The following PDE4D variants were observed in gnomAD, a reference collection of about 807,000 sequenced individuals.
PDE4D encodes 3',5'-cyclic-AMP phosphodiesterase 4D.
A neutral mutation model predicts 87.4 loss-of-function variants in PDE4D; 24 were observed. The ratio of observed to expected loss-of-function variants is 0.27; its 90% CI spans 0.20 to 0.39. The LOEUF (loss-of-function observed/expected upper bound fraction) is 0.39, where lower values mean the gene tolerates loss of function less well. Ranked by LOEUF, PDE4D falls within the 10% of genes least tolerant of loss-of-function variation. The pLI is 1.00. For synonymous variants in PDE4D, 384 were observed against 383.2 expected (o/e 1.00, Z -0.02); for missense variants, 714 against 1,041.0 (o/e 0.69, Z 4.32).
Position 60,069,477 on chromosome 5 carries a change from C to T in PDE4D, c.43-80760G>A, listed in dbSNP as rs1772478180. Among the ~76,000 whole-genome samples the T allele has an allele frequency of 5.9e-5, 9 of 151,998 alleles. No individual in the cohort carries two copies. In the South Asian group the frequency reaches 1.5e-3, roughly 25 times the overall value. ...TTTATGGTATTTTATTATAGTAGCCCGAATAGAATAAAACAACCAAGTATG... is the reference window on the plus strand; with the variant it reads ...TTTATGGTATTTTATTATAGTAGCCTGAATAGAATAAAACAACCAAGTATG... On this transcript the variant is annotated intron_variant, in intron 2 of 16. Coordinates refer to the PDE4D transcript ENST00000502484.
intron 1 of PDE4D, among the ~76,000 whole-genome samples, chr5:59,544,227 A>G (rs1816877813): frequency 1.3e-5 from 2 of 152,208 alleles, no homozygotes; most frequent in South Asian, 4.1e-4. Context: ...TCATTGAAGA[A>G]GGAACTCAGG....
intron 1 of PDE4D, among the ~76,000 whole-genome samples, chr5:60,345,553 G>A (rs1273562046): frequency 1.4e-5 from 2 of 143,990 alleles, no homozygotes; most frequent in African/African-American, 5.4e-5. Context: ...AAATAAAAGA[G>A]CTCTTCCCTC....
intron 1 of PDE4D, among the ~76,000 whole-genome samples, chr5:59,707,760 T>A (rs754804678): frequency 6.6e-6 from 1 of 151,994 alleles, no homozygotes; most frequent in Admixed American, 6.6e-5. Flanking sequence ...GTGAGAACAT[T>A]CATCCACGTC....
intron 1 of PDE4D, among the ~76,000 whole-genome samples, chr5:60,323,694 C>T (rs536217462): frequency 2.6e-5 from 4 of 151,934 alleles, no homozygotes; most frequent in Admixed American, 2.0e-4. Context: ...CTTACTACCA[C>T]CCCAAAGCCT....
exon 2 of PDE4D, chr5:60,185,602 G>A (rs895315471): frequency 2.0e-6 from 3 of 1,526,596 alleles, no homozygotes; most frequent in Non-Finnish European, 2.6e-6. Context: ...TTTTCATCGT[G>A]GTGTTTTAAG....
chr5:59,328,990 C>T (rs992073363), intron 1 of PDE4D, among the ~76,000 whole-genome samples: 6 of 152,212 alleles, frequency 3.9e-5, no homozygotes, highest in East Asian at 1.9e-4. Context: ...TTGTGGTGGG[C>T]ACGGTGCCTT....
chr5:59,722,743 T>C (rs1336738285), intron 1 of PDE4D, among the ~76,000 whole-genome samples: 1 of 152,170 alleles, frequency 6.6e-6, no homozygotes, highest in Non-Finnish European at 1.5e-5. Flanking sequence ...AACAATGTTA[T>C]ATGTTGAACA....
intron 5 of PDE4D, among the ~76,000 whole-genome samples, chr5:59,124,336 G>T (rs973397571): frequency 1.3e-5 from 2 of 152,178 alleles, no homozygotes; most frequent in African/African-American, 4.8e-5. Context: ...CCAGGAGCTA[G>T]TCCTAAACTG....
At chr5:60,125,857 T>C (rs1779082053) in intron 2 of PDE4D, among the ~76,000 whole-genome samples, 1 of 152,182 alleles carries the variant, frequency 6.6e-6, no homozygotes, top group Non-Finnish European at 1.5e-5. Context: ...AAACAGAATT[T>C]CATTTACGGA....
At chr5:60,451,822 A>G (rs1234705366) in intron 1 of PDE4D, among the ~76,000 whole-genome samples, 1 of 152,138 alleles carries the variant, frequency 6.6e-6, no homozygotes, top group Non-Finnish European at 1.5e-5. Context: ...AATGTCTTAC[A>G]GCACAACTGA....
At position 58,991,361 on chromosome 5, in the gene PDE4D, C is replaced by T. The variant is rs528652037; in HGVS notation, c.1189-459G>A. On this transcript the variant is annotated intron_variant, in intron 8 of 14. Coordinates refer to ENST00000340635, the MANE Select transcript of PDE4D (RefSeq NM_001104631.2). Reference sequence around the variant, plus strand: ...TGTTAGATTGTTTTAAACAATGATTCATTTTAAATGTTAACAGACACACCA... The same window carrying T: ...TGTTAGATTGTTTTAAACAATGATTTATTTTAAATGTTAACAGACACACCA... 3.3e-5 allele frequency among the ~76,000 whole-genome samples: 5 copies of T among 152,284 alleles called. No homozygotes were observed. The East Asian group carries it at 9.6e-4, about 29-fold the overall frequency.
In PDE4D at chr5:60,267,615, C is replaced by T. The variant is rs547427680; in HGVS notation, c.-89-81928G>A. On this transcript the variant is annotated intron_variant, in intron 1 of 16. Transcript: ENST00000502484. ...ATTCAATATTACATCTATGAAAGCA[C>T]CTTGGCCAGTGCTGGTACTTGGAGG... Among the ~76,000 whole-genome samples, 5 of 152,264 alleles carry T rather than the reference C, an allele frequency of 3.3e-5. No homozygotes were observed. In the East Asian group the frequency reaches 5.8e-4, roughly 18 times the overall value.
At chr5:59,263,741 T>G (rs1448993481) in intron 1 of PDE4D, among the ~76,000 whole-genome samples, 1 of 151,954 alleles carries the variant, frequency 6.6e-6, no homozygotes, top group African/African-American at 2.4e-5. Flanking sequence ...ACATGCTATA[T>G]TATTCCTTTT....
At chr5:60,071,360 T>C (rs1326467119) in intron 2 of PDE4D, among the ~76,000 whole-genome samples, 1 of 152,046 alleles carries the variant, frequency 6.6e-6, no homozygotes, top group Non-Finnish European at 1.5e-5. Context: ...CACACAGCCA[T>C]CTAAAAGAAT....
intron 5 of PDE4D, among the ~76,000 whole-genome samples, chr5:59,068,903 A>C (rs1561426466): frequency 6.6e-6 from 1 of 152,184 alleles, no homozygotes; most frequent in South Asian, 2.1e-4. Context: ...AATTGTAATT[A>C]TTATAATTGT....
chr5:60,464,227 T>A (rs918751373), intron 1 of PDE4D, among the ~76,000 whole-genome samples: 1 of 152,234 alleles, frequency 6.6e-6, no homozygotes, highest in Non-Finnish European at 1.5e-5. Context: ...CTTTGATTCA[T>A]CCAGAATATG....
intron 1 of PDE4D, chr5:60,185,797 C>T: frequency 2.3e-6 from 1 of 435,274 alleles, no homozygotes; most frequent in South Asian, 4.1e-5. Flanking sequence ...TCGGAACAGG[C>T]TAAAACGGTG....
intron 3 of PDE4D, among the ~76,000 whole-genome samples, chr5:59,185,715 T>C (rs562456490): frequency 6.6e-6 from 1 of 152,370 alleles, no homozygotes; most frequent in African/African-American, 2.4e-5. Context: ...AATTTTAAAC[T>C]GTTTTTCTAC....
At chr5:59,445,085 C>T (rs1368247873) in intron 1 of PDE4D, among the ~76,000 whole-genome samples, 3 of 152,116 alleles carry the variant, frequency 2.0e-5, no homozygotes, top group African/African-American at 4.8e-5. Flanking sequence ...CTGTCCTTCC[C>T]ACCACAATTT....
Sources: allele counts gnomAD v4.1 joint callset (sites outside exome capture counted in the v4.1 genomes callset), GRCh38; gene constraint gnomAD v4.1.1; transcripts MANE v1.5; gene names NCBI Gene and HGNC (gene_info 2026-07-23, HGNC 2026-07-21).